The following ERN2 variants were observed in gnomAD, a reference collection of about 807,000 sequenced individuals.
ERN2 encodes endoplasmic reticulum to nucleus signaling 2, also known as serine/threonine-protein kinase/endoribonuclease IRE2.
A neutral mutation model predicts 107.9 loss-of-function variants in ERN2; 111 were observed. That is an observed-to-expected ratio of 1.03 (90% CI 0.88 to 1.20). The LOEUF is 1.20. Among genes scored for constraint, ERN2 ranks in the 50% most tolerant of loss-of-function variants. The pLI is 0.00. For missense variants in ERN2, 1,225 were observed against 1,197.9 expected, an observed-to-expected ratio of 1.02 and a Z score of -0.33; for synonymous variants, 524 against 501.7, an observed-to-expected ratio of 1.04 and a Z score of -0.59.
chr16:23,712,903 T>C, intron 1 of ERN2, 192 bp downstream of exon 1: 1 of 540,058 alleles, frequency 1.9e-6, no homozygotes, highest in South Asian at 2.4e-5. Context: ...AGCTAGGTAT[T>C]TGTTGGGGGC....
rs200329539 is a variant in ERN2, at chr16:23,691,273, G to A, written c.2500+29C>T. 755 of 1,612,006 alleles carry A rather than the reference G, an allele frequency of 4.7e-4. 1 individual carries two copies. The highest frequency in any genetic ancestry group is 2.0e-3 in the Middle Eastern group (12 of 6,058). ...CCGCCCAGGCCCACTCCCCTCCACC[G>A]CCCAGGCCCACCTGAGTATGGCCTC... On this transcript the variant is annotated intron_variant, in intron 20 of 21. Coordinates refer to ENST00000256797, the MANE Select transcript of ERN2 (RefSeq NM_033266.4).
Position 23,700,821 on chromosome 16 carries a change from C to A in ERN2, c.1360-117G>T, listed in dbSNP as rs1960031919. On this transcript the variant is annotated intron_variant, in intron 12 of 21. Coordinates refer to ENST00000256797, the MANE Select transcript of ERN2 (RefSeq NM_033266.4). ...TGCATGAACTTACAGAGCAAGATCG[C>A]AGGGGCCTGGGGAGCTGCTGGGAGG... 8 of 1,471,836 alleles carry A rather than the reference C, an allele frequency of 5.4e-6. No individual in the cohort carries two copies. The Admixed American group carries it at 1.0e-4, about 19-fold the overall frequency. 91.2% of individuals were successfully genotyped at this position (1,471,836 alleles called of 1,614,324 possible).
intron 7 of ERN2, 63 bp downstream of exon 7, chr16:23,706,267 G>T: frequency 8.4e-7 from 1 of 1,189,320 alleles, no homozygotes; most frequent in Non-Finnish European, 1.2e-6. Flanking sequence ...CATGGATGCT[G>T]TTCAGGGTTC....
Position 23,702,399 on chromosome 16 carries a change from G to A in ERN2, c.1072C>T (p.Leu358=), listed in dbSNP as rs748939966. Residue 358 remains leucine, a synonymous_variant, in exon 10 of 22, where the codon CTG becomes TTG. Coordinates refer to ENST00000256797, the MANE Select transcript of ERN2 (RefSeq NM_033266.4). ...AGCCAGAGGATCTCACCAATGAGCA[G>A]CCACTGGCTTGGGAGGGCCACACTG... is the stretch of plus-strand genomic sequence containing the variant. ...SGSVALPSQW[L]LIGHHELPPV... is the part of the protein sequence containing the mutation. The A allele has an allele frequency of 6.2e-7, 1 of 1,613,378 alleles. No homozygotes were observed. Among genetic ancestry groups the A allele is most frequent in the Admixed American group, 1.7e-5 (1 of 60,002 alleles).
chr16:23,705,228 C>A, intron 7 of ERN2, 81 bp from the exon 8 acceptor site: 2 of 1,495,844 alleles, frequency 1.3e-6, no homozygotes, highest in South Asian at 1.2e-5. Context: ...GGTGAGGGGT[C>A]AGTCTGGTGT....
chr16:23,690,952 G>A lies in ERN2; in HGVS notation c.2660C>T (p.Pro887Leu). The stretch of plus-strand genomic sequence containing the variant: ...TCGGTGCGTGTGGAGGAGCAGCCGT[G>A]GGAAGCGGTTTGTGAAGTACTGGAC... ...GFVQYFTNRFPRLLLHTHRAM... is the reference protein window; with the variant it reads ...GFVQYFTNRFLRLLLHTHRAM... Residue 887 changes from proline to leucine, a missense_variant, in exon 22 of 22, where the codon CCA (proline) becomes CTA (leucine). Pro to Leu is a moderately conservative substitution (Grantham distance 98). Transcript: ENST00000256797. 1 of 1,614,148 alleles carries A rather than the reference G, an allele frequency of 6.2e-7. No individual in the cohort carries two copies. Among genetic ancestry groups the A allele is most frequent in the South Asian group, 1.1e-5 (1 of 91,084 alleles).
intron 14 of ERN2, 146 bp downstream of exon 14, chr16:23,695,742 AAAAAAC>A: frequency 3.3e-6 from 2 of 601,430 alleles, no homozygotes; most frequent in Non-Finnish European, 5.8e-6. Context: ...AAAAAAAAAA[AAAAAAC>A]AGATAAAGGA....
intron 8 of ERN2, 60 bp from the exon 9 acceptor site, chr16:23,702,762 A>T (rs1233342203): frequency 1.4e-6 from 2 of 1,390,288 alleles, no homozygotes; most frequent in Admixed American, 3.4e-5. Context: ...AGTTTCAGTT[A>T]TCAAGGTACT....
Position 23,702,455 on chromosome 16 carries a change from G to C in ERN2, c.1016C>G (p.Ser339Ter). Reference sequence around the variant, plus strand: ...GGGGTATCTAACAGCAGTGCTGGGTGAGCCCTCTCGCTCTCCTGAGACTTG... The same window carrying C: ...GGGGTATCTAACAGCAGTGCTGGGTCAGCCCTCTCGCTCTCCTGAGACTTG... Reference protein sequence around the residue: ...TLQVSGEREGSPSTAVRYPSG... With the variant: ...TLQVSGEREG Residue 339 changes from serine (S) to a stop codon, truncating the protein, a stop_gained, in exon 10 of 22, where the codon TCA becomes TGA. Coordinates refer to ENST00000256797, the MANE Select transcript of ERN2 (RefSeq NM_033266.4). LOFTEE classifies it high-confidence loss of function. 1 of 1,613,476 alleles carries C rather than the reference G, an allele frequency of 6.2e-7. No individual in the cohort carries two copies.
chr16:23,712,951 G>A (rs967819520), intron 1 of ERN2, 144 bp downstream of exon 1: 6 of 619,034 alleles, frequency 9.7e-6, no homozygotes, highest in African/African-American at 7.9e-5. Flanking sequence ...CTTTTACTCC[G>A]TTGGGGCCGA....
chr16:23,704,680 C>T (rs1960223333), intron 8 of ERN2, among the ~76,000 whole-genome samples: 1 of 152,190 alleles, frequency 6.6e-6, no homozygotes, highest in Non-Finnish European at 1.5e-5. Context: ...GGGGGCTACC[C>T]AGGGGGTCCC....
intron 8 of ERN2, among the ~76,000 whole-genome samples, chr16:23,704,639 C>T (rs1960222106): frequency 6.6e-6 from 1 of 152,156 alleles, no homozygotes; most frequent in South Asian, 2.1e-4. Flanking sequence ...CCCTCCTAGG[C>T]CAGATCTTAC....
rs750615753 is a variant in ERN2, at chr16:23,702,676, T to G, written c.881A>C (p.Glu294Ala). The change falls in exon 9 of 22, where the codon GAA (glutamate) becomes GCA (alanine). Residue 294 changes from glutamate to alanine, a missense_variant. By Grantham distance (107) the Glu-to-Ala change is moderately radical. Coordinates refer to ENST00000256797, the MANE Select transcript of ERN2 (RefSeq NM_033266.4). ...LLMTLYVGKD[E>A]TGFYVSKALV... ...TGCTTTAGAGACATAGAAGCCAGTT[T>G]CATCCTTCCCCACATACAGCGTCAT... 2 of 1,614,182 alleles carry G rather than the reference T, an allele frequency of 1.2e-6. No homozygotes were observed. The highest frequency in any genetic ancestry group is 1.7e-6 in the Non-Finnish European group (2 of 1,180,010).
intron 14 of ERN2, 105 bp downstream of exon 14, chr16:23,695,789 C>T (rs1201993797): frequency 1.3e-6 from 1 of 762,078 alleles, no homozygotes; most frequent in Non-Finnish European, 2.3e-6. Flanking sequence ...AGGGATCAAC[C>T]TGTACCCACC....
intron 4 of ERN2, chr16:23,709,155 G>T (rs1960442459): frequency 2.2e-6 from 1 of 455,230 alleles, no homozygotes; most frequent in African/African-American, 2.0e-5. Context: ...AAAGAACTGG[G>T]TGTGGTGGTG....
intron 1 of ERN2, 168 bp downstream of exon 1, chr16:23,712,927 C>T (rs1960599821): frequency 1.8e-6 from 1 of 564,062 alleles, no homozygotes; most frequent in Non-Finnish European, 3.0e-6. Flanking sequence ...TGGCGGCTCC[C>T]CAAACCCAGG....
chr16:23,706,947 G>A (rs967896086), intron 5 of ERN2, 60 bp downstream of exon 5: 12 of 1,580,784 alleles, frequency 7.6e-6, no homozygotes, highest in Middle Eastern at 1.7e-4. Flanking sequence ...TAGCCGTCAC[G>A]ACTTAGATCC....
rs1959761019 is a variant in ERN2 at position 23,695,246 on chromosome 16, T to G, written c.1754A>C (p.Gln585Pro). ...GAGCTCCAGGGCAATGTAGTGGAAC[T>G]GGGGTCCCCGCTCGGTGCAGAAGTA... ...LRYFCTERGPQFHYIALELCR... is the reference protein window; with the variant it reads ...LRYFCTERGPPFHYIALELCR... Residue 585 changes from glutamine to proline, a missense_variant, in exon 15 of 22, where the codon CAG becomes CCG. Transcript: ENST00000256797. 3 of 1,614,126 alleles carry G rather than the reference T, an allele frequency of 1.9e-6. No homozygotes were observed. Among genetic ancestry groups the G allele is most frequent in the Non-Finnish European group, 2.5e-6 (3 of 1,180,024 alleles).
intron 6 of ERN2, 125 bp from the exon 7 acceptor site, chr16:23,706,556 G>T: frequency 1.3e-6 from 1 of 787,060 alleles, no homozygotes; most frequent in Non-Finnish European, 2.1e-6. Flanking sequence ...GGAAGCCTGT[G>T]AACATCACAG....
Sources: allele counts gnomAD v4.1 joint callset (sites outside exome capture counted in the v4.1 genomes callset), GRCh38; gene constraint gnomAD v4.1.1; transcripts MANE v1.5; gene names NCBI Gene and HGNC (gene_info 2026-07-23, HGNC 2026-07-21).